RAD51B: variants seen among roughly 807,000 people sequenced by gnomAD.
RAD51B encodes the protein RAD51 paralog B.
In RAD51B, 38 loss-of-function variants were observed where a neutral mutation model predicts 42.2. The observed-to-expected ratio is 0.90, with a 90% CI of 0.70 to 1.18. RAD51B has a LOEUF of 1.18. Among genes scored for constraint, RAD51B ranks in the 50% most tolerant of loss-of-function variants. RAD51B has a pLI of 0.00. For missense variants in RAD51B, 373 were observed against 400.7 expected (o/e 0.93, Z 0.59); for synonymous variants, 154 against 145.2 (o/e 1.06, Z -0.43).
intron 7 of RAD51B, among the ~76,000 whole-genome samples, chr14:67,963,652 C>T (rs761674521): frequency 1.3e-5 from 2 of 152,018 alleles, no homozygotes; most frequent in Non-Finnish European, 2.9e-5. Flanking sequence ...AATGACAGAG[C>T]TGAACTAGAT....
At chr14:68,563,828 C>CT (rs1172976451) in intron 10 of RAD51B, 2 of 985,308 alleles carry the variant, frequency 2.0e-6, no homozygotes, top group Admixed American at 6.1e-5. Flanking sequence ...TTGGAACGTG[C>CT]TTTTTTACCT....
At chr14:67,984,800 C>T (rs746378952) in intron 7 of RAD51B, among the ~76,000 whole-genome samples, 11 of 152,082 alleles carry the variant, frequency 7.2e-5, no homozygotes, top group African/African-American at 2.2e-4. Flanking sequence ...CTCTGATGGA[C>T]GAGGAAAAAT....
intron 7 of RAD51B, among the ~76,000 whole-genome samples, chr14:67,896,559 A>T (rs1248233699): frequency 6.6e-6 from 1 of 152,200 alleles, no homozygotes; most frequent in Non-Finnish European, 1.5e-5. Context: ...ATGATTTTTA[A>T]CTTATCAAAG....
intron 8 of RAD51B, among the ~76,000 whole-genome samples, chr14:68,293,623 C>T (rs943712600): frequency 2.0e-5 from 3 of 152,164 alleles, no homozygotes; most frequent in Non-Finnish European, 4.4e-5. Flanking sequence ...AACAGTGCTT[C>T]CCCCTTTCAC....
At chr14:68,094,317 G>A (rs2077154215) in intron 7 of RAD51B, among the ~76,000 whole-genome samples, 1 of 152,076 alleles carries the variant, frequency 6.6e-6, no homozygotes, top group Non-Finnish European at 1.5e-5. Flanking sequence ...TCATCTTGTG[G>A]TCACCTTTGG....
intron 4 of RAD51B, among the ~76,000 whole-genome samples, chr14:67,846,578 C>T (rs1310452415): frequency 1.3e-5 from 2 of 152,102 alleles, no homozygotes; most frequent in South Asian, 2.1e-4. Context: ...GGAGGCTGCT[C>T]TACTGGAGCT....
At chr14:67,954,804 G>A (rs1334795032) in intron 7 of RAD51B, among the ~76,000 whole-genome samples, 7 of 152,156 alleles carry the variant, frequency 4.6e-5, no homozygotes, top group African/African-American at 1.4e-4. Flanking sequence ...AGAGGTAAAG[G>A]AGTATTTGGA....
intron 7 of RAD51B, among the ~76,000 whole-genome samples, chr14:68,057,263 C>G (rs1157712568): frequency 1.3e-5 from 2 of 151,898 alleles, no homozygotes; most frequent in African/African-American, 4.8e-5. Flanking sequence ...AAAATAAAGC[C>G]TTTAAAGAGA....
intron 7 of RAD51B, among the ~76,000 whole-genome samples, chr14:68,076,472 G>A (rs1225554643): frequency 6.6e-6 from 1 of 152,150 alleles, no homozygotes; most frequent in East Asian, 1.9e-4. Flanking sequence ...ATTAACACAT[G>A]GAAAGTAAAA....
intron 10 of RAD51B, among the ~76,000 whole-genome samples, chr14:68,585,885 A>AG (rs748829670): frequency 1.3e-5 from 2 of 152,058 alleles, no homozygotes; most frequent in East Asian, 1.9e-4. Context: ...AGAGCTGCAG[A>AG]GGGGGGAGAC....
chr14:67,965,747 C>G (rs1288508446), intron 7 of RAD51B, among the ~76,000 whole-genome samples: 2 of 152,084 alleles, frequency 1.3e-5, no homozygotes, highest in Admixed American at 1.3e-4. Flanking sequence ...TTTGATCATG[C>G]CTTTCCTTGC....
intron 4 of RAD51B, among the ~76,000 whole-genome samples, chr14:67,840,161 T>G (rs987416610): frequency 6.6e-6 from 1 of 152,218 alleles, no homozygotes; most frequent in African/African-American, 2.4e-5. Context: ...AGGGGGTATA[T>G]GTACAGGTTT....
rs1049027191 is a variant in RAD51B, at chr14:68,537,724, A to C, written c.1037-56761A>C. 1.7e-4 allele frequency among the ~76,000 whole-genome samples: 26 copies of C among 152,132 alleles called. 1 individual carries two copies. The highest frequency in any genetic ancestry group is 1.5e-5 in the Non-Finnish European group (1 of 68,020). On this transcript the variant is annotated intron_variant, in intron 10 of 10. Transcript: ENST00000487270. ...CAATTAATGGGATATTTTGAGTGAG[A>C]CCTTCACATATATGCTCCCTTTGAT...
At chr14:68,428,707 TTATATA>T (rs532906803) in intron 9 of RAD51B, among the ~76,000 whole-genome samples, 138 of 99,434 alleles carry the variant, frequency 1.4e-3, no homozygotes, top group African/African-American at 3.0e-3. Flanking sequence ...AGGATTTTCT[TTATATA>T]TATATATATA....
At chr14:68,331,936 A>G (rs1414317161) in intron 8 of RAD51B, among the ~76,000 whole-genome samples, 1 of 112,510 alleles carries the variant, frequency 8.9e-6, no homozygotes, top group African/African-American at 5.1e-5. Flanking sequence ...AAGGAATCTT[A>G]ACAATACCCC....
At chr14:68,652,167 T>A (rs1892715106) in intron 11 of RAD51B, among the ~76,000 whole-genome samples, 1 of 152,212 alleles carries the variant, frequency 6.6e-6, no homozygotes, top group Admixed American at 6.5e-5. Context: ...CACATTTTCC[T>A]TTCTTCCCCC....
At chr14:68,588,058 C>A (rs534696431) in intron 10 of RAD51B, among the ~76,000 whole-genome samples, 6 of 152,270 alleles carry the variant, frequency 3.9e-5, no homozygotes, top group Admixed American at 3.3e-4. Context: ...AGCTGGCCAG[C>A]GGACACAGGC....
chr14:67,888,082 A>G (rs1015596648), intron 7 of RAD51B, among the ~76,000 whole-genome samples: 6 of 152,348 alleles, frequency 3.9e-5, no homozygotes, highest in Middle Eastern at 3.4e-3. Flanking sequence ...AAGAATATGT[A>G]TAAATAATAT....
At chr14:68,605,727 C>T (rs1339881148) in intron 10 of RAD51B, among the ~76,000 whole-genome samples, 9 of 152,180 alleles carry the variant, frequency 5.9e-5, no homozygotes, top group African/African-American at 1.9e-4. Flanking sequence ...AATAAGGTCA[C>T]GTTCTGAGGC....
Sources: allele counts gnomAD v4.1 joint callset (sites outside exome capture counted in the v4.1 genomes callset), GRCh38; gene constraint gnomAD v4.1.1; transcripts MANE v1.5; gene names NCBI Gene and HGNC (gene_info 2026-07-23, HGNC 2026-07-21).